FRMPD4: variants seen among roughly 807,000 people sequenced by gnomAD.
The protein encoded by FRMPD4 is FERM and PDZ domain containing 4.
Under a neutral mutation model 94.1 loss-of-function variants are expected in FRMPD4, and 22 were observed. That is an observed-to-expected ratio of 0.23 (90% confidence interval 0.17 to 0.33). The LOEUF (loss-of-function observed/expected upper bound fraction) is 0.33, where lower values mean the gene tolerates loss of function less well. FRMPD4 is among the 10% of genes least tolerant of loss of function. The pLI is 1.00. For missense variants in FRMPD4, 1,111 were observed against 1,339.9 expected, an observed-to-expected ratio of 0.83 and a Z score of 2.67; for synonymous variants, 631 against 548.6, an observed-to-expected ratio of 1.15 and a Z score of -2.10.
chrX:12,316,894 C>A (rs919732077), intron 1 of FRMPD4, among the ~76,000 whole-genome samples: 3 of 111,393 alleles, frequency 2.7e-5, no homozygotes, highest in Non-Finnish European at 5.7e-5. Flanking sequence ...AAGCAAAAAT[C>A]TTTTACAGTT....
intron 1 of FRMPD4, among the ~76,000 whole-genome samples, chrX:12,435,588 A>T (rs1173290883): frequency 9.0e-6 from 1 of 111,127 alleles, no homozygotes; most frequent in Non-Finnish European, 1.9e-5. Flanking sequence ...TAGAGGTTTG[A>T]TGGTAGTAAA....
chrX:12,185,379 C>T (rs1003355766), intron 1 of FRMPD4, among the ~76,000 whole-genome samples: 3 of 111,192 alleles, frequency 2.7e-5, no homozygotes, highest in Non-Finnish European at 5.7e-5. Context: ...TGCCTCACCC[C>T]GCACCCACAG....
chrX:12,686,415 G>A (rs2060025194), intron 7 of FRMPD4, among the ~76,000 whole-genome samples: 1 of 111,660 alleles, frequency 9.0e-6, no homozygotes, highest in Admixed American at 9.5e-5. Flanking sequence ...TATTTCTCTT[G>A]GTGTTGCAAA....
chrX:11,872,290 T>C (rs2053759978), intron 2 of FRMPD4, among the ~76,000 whole-genome samples: 1 of 112,494 alleles, frequency 8.9e-6, no homozygotes, highest in African/African-American at 3.2e-5. Context: ...ACTTAATAGC[T>C]ACCTTATCTG....
intron 4 of FRMPD4, among the ~76,000 whole-genome samples, chrX:12,666,531 T>C (rs765395316): frequency 3.8e-4 from 42 of 111,691 alleles, no homozygotes; most frequent in Admixed American, 1.9e-3. Flanking sequence ...TAATTGGAAG[T>C]AAAACACTCC....
At chrX:12,194,969 C>T (rs779609370) in intron 1 of FRMPD4, among the ~76,000 whole-genome samples, 28 of 112,198 alleles carry the variant, frequency 2.5e-4, no homozygotes, top group African/African-American at 8.4e-4. Context: ...TGGCTTAATT[C>T]TATCCTTTCT....
chrX:12,527,136 T>C lies in FRMPD4; in HGVS notation c.158+28340T>C, dbSNP rs772685574. ...TGGCTTTAGTTGATCATTTTGTCTT[T>C]GAGATTGTAAACTCATAATTGGTAT... On this transcript the variant is annotated intron_variant, in intron 2 of 16. Coordinates refer to ENST00000675598, the MANE Select transcript of FRMPD4 (RefSeq NM_001368397.1). Among the ~76,000 whole-genome samples, 136 of 112,374 alleles carry C rather than the reference T, an allele frequency of 1.2e-3. 1 individual carries two copies. Among genetic ancestry groups the C allele is most frequent in the Middle Eastern group, 9.3e-3 (2 of 216 alleles).
At position 12,718,290 on chromosome X, in the gene FRMPD4, C is replaced by G; in HGVS notation, c.3464C>G (p.Thr1155Ser). The G allele has an allele frequency of 8.3e-7, 1 of 1,211,255 alleles. No homozygotes were observed. The highest frequency in any genetic ancestry group is 1.1e-6 in the Non-Finnish European group (1 of 894,880). ...GQGDRFLTDV[T>S]CASSAKDLDN... The stretch of plus-strand genomic sequence containing the variant: ...GGGGACCGCTTCTTAACTGACGTGA[C>G]CTGTGCATCTTCAGCCAAAGACTTA... Residue 1155 changes from threonine (T) to serine (S), a missense_variant, in exon 16 of 17, where the codon ACC becomes AGC. By Grantham distance (58) the Thr-to-Ser change is moderately conservative. Around this residue, in one of 8 missense-constraint regions of FRMPD4, gnomAD observed 551 missense variants for 591.6 expected, o/e 0.93. Transcript: ENST00000675598.
intron 3 of FRMPD4, among the ~76,000 whole-genome samples, chrX:11,917,090 G>A (rs2054028835): frequency 8.9e-6 from 1 of 112,112 alleles, no homozygotes; most frequent in Admixed American, 9.4e-5. Flanking sequence ...GTCATGAACA[G>A]ACACTTTTCA....
chrX:12,327,987 G>T (rs2055314210), intron 1 of FRMPD4, among the ~76,000 whole-genome samples: 1 of 111,228 alleles, frequency 9.0e-6, no homozygotes, highest in South Asian at 3.8e-4. Flanking sequence ...TTGAATCTGG[G>T]GTAGCCATTT....
chrX:12,199,059 A>C (rs779032603), intron 1 of FRMPD4, among the ~76,000 whole-genome samples: 1 of 111,366 alleles, frequency 9.0e-6, no homozygotes, highest in East Asian at 2.8e-4. Flanking sequence ...CCTCCCTATC[A>C]ATCCTTATAG....
chrX:11,975,540 G>C (rs1243547350), intron 3 of FRMPD4, among the ~76,000 whole-genome samples: 1 of 112,319 alleles, frequency 8.9e-6, no homozygotes, highest in Non-Finnish European at 1.9e-5. Flanking sequence ...TTTCTGAACA[G>C]TCTACCTACT....
At chrX:12,088,638 G>C (rs531682402) in intron 3 of FRMPD4, among the ~76,000 whole-genome samples, 2 of 111,826 alleles carry the variant, frequency 1.8e-5, no homozygotes, top group Admixed American at 9.5e-5. Context: ...AAGGGTTTTC[G>C]TGACAGTCTG....
chrX:12,688,745 C>CTT (rs371548205), intron 7 of FRMPD4, among the ~76,000 whole-genome samples: 2,703 of 91,962 alleles, frequency 0.029, 94 homozygotes, highest in African/African-American at 0.091. Flanking sequence ...GCAGGGAAAT[C>CTT]TTTTTTTTTT....
chrX:11,969,277 G>A (rs140424178), intron 3 of FRMPD4, among the ~76,000 whole-genome samples: 1 of 112,170 alleles, frequency 8.9e-6, no homozygotes, highest in African/African-American at 3.2e-5. Flanking sequence ...AAATCTTCTT[G>A]GGTGATCTCT....
chrX:12,179,873 CT>C (rs58312340), intron 1 of FRMPD4, among the ~76,000 whole-genome samples: 76 of 91,202 alleles, frequency 8.3e-4, no homozygotes, highest in Non-Finnish European at 9.6e-4. Context: ...CTAACCTAGC[CT>C]TTTTTTTTTT....
chrX:12,669,604 C>T (rs1219033579), intron 4 of FRMPD4, among the ~76,000 whole-genome samples: 3 of 111,980 alleles, frequency 2.7e-5, no homozygotes, highest in Admixed American at 9.5e-5. Context: ...TTTCCAGAGT[C>T]TGTGACTTTC....
chrX:12,171,850 C>A (rs2056231851), intron 1 of FRMPD4, among the ~76,000 whole-genome samples: 1 of 111,817 alleles, frequency 8.9e-6, no homozygotes, highest in East Asian at 2.8e-4. Context: ...TAGCTAAACA[C>A]AATCTGGCTA....
intron 3 of FRMPD4, among the ~76,000 whole-genome samples, chrX:11,879,126 G>A (rs1255513503): frequency 4.5e-5 from 5 of 112,165 alleles, no homozygotes; most frequent in Non-Finnish European, 9.4e-5. Flanking sequence ...AGAAATTGAT[G>A]TTATTCTATG....
Sources: allele counts gnomAD v4.1 joint callset (sites outside exome capture counted in the v4.1 genomes callset), GRCh38; gene constraint gnomAD v4.1.1; regional missense constraint gnomAD v4.1.1; transcripts MANE v1.5; gene names NCBI Gene and HGNC (gene_info 2026-07-23, HGNC 2026-07-21).